MVB12B: variants seen among roughly 807,000 people sequenced by gnomAD.
The protein encoded by MVB12B is multivesicular body subunit 12B, also known as ESCRT-I complex subunit MVB12B.
A neutral mutation model predicts 41.6 loss-of-function variants in MVB12B; 16 were observed. The ratio of observed to expected loss-of-function variants is 0.38; its 90% CI spans 0.26 to 0.58. The LOEUF (loss-of-function observed/expected upper bound fraction) is 0.58. Ranked by LOEUF, MVB12B falls within the 20% of genes least tolerant of loss-of-function variation. The pLI, the probability that MVB12B is intolerant of heterozygous loss-of-function variation, is 0.62. For missense variants in MVB12B, 274 were observed against 380.2 expected (o/e 0.72, Z 2.32); for synonymous variants, 133 against 139.7 (o/e 0.95, Z 0.34).
chr9:126,414,944 G>A (rs191414790), intron 6 of MVB12B, among the ~76,000 whole-genome samples: 1 of 152,104 alleles, frequency 6.6e-6, no homozygotes, highest in South Asian at 2.1e-4. Context: ...TGCCCAGGCT[G>A]GTCTCAAACT....
chr9:126,452,162 T>C (rs951227418), intron 7 of MVB12B, among the ~76,000 whole-genome samples: 6 of 152,224 alleles, frequency 3.9e-5, no homozygotes, highest in African/African-American at 1.2e-4. Flanking sequence ...CTTCAGCTCA[T>C]GCGTGTGCTC....
At chr9:126,346,154 C>A (rs1176068711) in intron 2 of MVB12B, among the ~76,000 whole-genome samples, 1 of 152,110 alleles carries the variant, frequency 6.6e-6, no homozygotes, top group Non-Finnish European at 1.5e-5. Flanking sequence ...TTCCCAAGAT[C>A]ACTTGGTTGG....
intron 6 of MVB12B, chr9:126,408,002 A>C (rs1458910334): frequency 1.3e-5 from 2 of 152,188 alleles, no homozygotes; most frequent in Non-Finnish European, 2.9e-5. Flanking sequence ...GGTTAAGAAA[A>C]AGAATTGCCA....
intron 7 of MVB12B, among the ~76,000 whole-genome samples, chr9:126,475,931 A>G (rs1349177240): frequency 6.6e-6 from 1 of 151,604 alleles, no homozygotes; most frequent in Non-Finnish European, 1.5e-5. Context: ...TCTGTCGTGA[A>G]CTCTCAGACG....
At position 126,376,409 on chromosome 9, in the gene MVB12B, G is replaced by C; in HGVS notation, c.205-4655G>C. 1.1e-6 allele frequency: 1 copy of C among 895,398 alleles called. No individual in the cohort carries two copies. The highest frequency in any genetic ancestry group is 1.6e-6 in the Non-Finnish European group (1 of 630,774). The allele number at this position is 895,398 out of a possible 1,614,324, so 55.5% of individuals were successfully genotyped here. A position where few individuals can be genotyped will look rare whatever the true frequency, so the allele number is the denominator to read the frequency against. On this transcript the variant is annotated intron_variant, in intron 2 of 9. Coordinates refer to ENST00000361171, the MANE Select transcript of MVB12B (RefSeq NM_033446.3). This position sits in a 1 kb window ranked among gnomAD's most constrained non-coding sequence, Gnocchi z 4.1. Reference sequence around the variant, plus strand: ...TCTGTCATGTCTGAGCCTGTCCCCAGTGCCTGGTGACCCTTTGTTGTGGGT... The same window carrying C: ...TCTGTCATGTCTGAGCCTGTCCCCACTGCCTGGTGACCCTTTGTTGTGGGT...
Position 126,392,221 on chromosome 9 carries a change from G to C in MVB12B, c.539+26G>C. On this transcript the variant is annotated intron_variant, in intron 5 of 9. Transcript: ENST00000361171. This position sits in a 1 kb window ranked among gnomAD's most constrained non-coding sequence, Gnocchi z 4.8. ...GTGAGTCTTAATAACAGGACTGTCA[G>C]CTGCTTCTCTTCCCTGAGAGCACTC... is the stretch of plus-strand genomic sequence containing the variant. 3 of 1,612,704 alleles carry C rather than the reference G, an allele frequency of 1.9e-6. No individual in the cohort carries two copies. The highest frequency in any genetic ancestry group is 2.5e-6 in the Non-Finnish European group (3 of 1,178,872).
intron 6 of MVB12B, among the ~76,000 whole-genome samples, chr9:126,404,826 T>G (rs1169596447): frequency 1.3e-5 from 2 of 152,154 alleles, no homozygotes; most frequent in African/African-American, 4.8e-5. Context: ...ATCGTGAGAG[T>G]GGCATGAAAG....
intron 2 of MVB12B, among the ~76,000 whole-genome samples, chr9:126,341,535 C>T (rs1829444419): frequency 6.6e-6 from 1 of 152,198 alleles, no homozygotes; most frequent in South Asian, 2.1e-4. Context: ...CTGAAAACCT[C>T]CCACAGCAAT....
chr9:126,452,811 A>C (rs1387155047), intron 7 of MVB12B, among the ~76,000 whole-genome samples: 1 of 152,058 alleles, frequency 6.6e-6, no homozygotes, highest in African/African-American at 2.4e-5. Flanking sequence ...TTCAAGGGTA[A>C]TTGCTAACTG....
chr9:126,378,279 G>A (rs1272918051), intron 2 of MVB12B, among the ~76,000 whole-genome samples: 2 of 152,224 alleles, frequency 1.3e-5, no homozygotes, highest in Non-Finnish European at 2.9e-5. Flanking sequence ...GACTTCAGCC[G>A]CATAGATAGA....
intron 1 of MVB12B, among the ~76,000 whole-genome samples, chr9:126,338,328 C>CA (rs1451458068): frequency 1.3e-5 from 2 of 152,222 alleles, no homozygotes; most frequent in Non-Finnish European, 2.9e-5. Flanking sequence ...TGGGCCGCCA[C>CA]AGGGCATTGT....
rs767569746 is a variant in MVB12B at position 126,395,529 on chromosome 9, G to T, written c.540-46G>T. 5.6e-6 allele frequency: 9 copies of T among 1,607,000 alleles called. No individual in the cohort carries two copies. Among genetic ancestry groups the T allele is most frequent in the Non-Finnish European group, 7.7e-6 (9 of 1,176,108 alleles). On this transcript the variant is annotated intron_variant, in intron 5 of 9. Transcript: ENST00000361171. The surrounding 1 kb of genome is among the most constrained non-coding windows in gnomAD (Gnocchi z 4.9). ...GGTTTGCTTTGTCACTCAGGTAAAT[G>T]CTTTGTGCTAACCAGAGCCATGAAG...
In MVB12B at chr9:126,378,429, C is replaced by A. The variant is rs141541543; in HGVS notation, c.205-2635C>A. 3.7e-3 allele frequency among the ~76,000 whole-genome samples: 556 copies of A among 152,248 alleles called. 1 individual carries two copies. Among genetic ancestry groups the A allele is most frequent in the Middle Eastern group, 6.9e-3 (2 of 290 alleles). ...TAGGAAAGACAGGCCAGAAATGCCC[C>A]CCTTGTTCCACCAGGGCTGCCTTTC... On this transcript the variant is annotated intron_variant, in intron 2 of 9. Transcript: ENST00000361171.
In MVB12B at chr9:126,468,717, C is replaced by T. The variant is rs927619618; in HGVS notation, c.758-12652C>T. On this transcript the variant is annotated intron_variant, in intron 7 of 9. Transcript: ENST00000361171. The surrounding 1 kb of genome is among the most constrained non-coding windows in gnomAD (Gnocchi z 4.3). ...ACTCCCTGTAATTCATTCTCCTCTC[C>T]ATAGCCAGGGAGACGCTGTTAAAAC... 7.2e-5 allele frequency among the ~76,000 whole-genome samples: 11 copies of T among 152,238 alleles called. No homozygotes were observed. Among genetic ancestry groups the T allele is most frequent in the Non-Finnish European group, 1.2e-4 (8 of 68,048 alleles).
chr9:126,442,026 G>C (rs142000990), intron 7 of MVB12B, among the ~76,000 whole-genome samples: 59 of 152,278 alleles, frequency 3.9e-4, no homozygotes, highest in Middle Eastern at 3.4e-3. Context: ...CTAACTGCTT[G>C]GAGAAATAGC....
chr9:126,445,168 T>G lies in MVB12B; in HGVS notation c.757+23220T>G, dbSNP rs1427047472. On this transcript the variant is annotated intron_variant, in intron 7 of 9. Coordinates refer to ENST00000361171, the MANE Select transcript of MVB12B (RefSeq NM_033446.3). ...TGGTCATTTAGAAAAATATCCAATCTTTCCTTCCAGAGATATAACTCTCTA... is the reference window on the plus strand; with the variant it reads ...TGGTCATTTAGAAAAATATCCAATCGTTCCTTCCAGAGATATAACTCTCTA... Among the ~76,000 whole-genome samples the G allele has an allele frequency of 2.6e-5, 4 of 152,220 alleles. No homozygotes were observed. The South Asian group carries it at 6.2e-4, about 24-fold the overall frequency.
At chr9:126,440,987 C>T (rs988360344) in intron 7 of MVB12B, among the ~76,000 whole-genome samples, 1 of 152,202 alleles carries the variant, frequency 6.6e-6, no homozygotes, top group African/African-American at 2.4e-5. Flanking sequence ...ATTGGTTTAG[C>T]GGATGATGAA....
intron 7 of MVB12B, among the ~76,000 whole-genome samples, chr9:126,428,050 G>A (rs1003818078): frequency 1.3e-5 from 2 of 151,750 alleles, no homozygotes; most frequent in African/African-American, 4.8e-5. Context: ...CCCCCTTTCA[G>A]GATGTTTGAC....
intron 6 of MVB12B, among the ~76,000 whole-genome samples, chr9:126,420,679 G>C (rs558199674): frequency 7.0e-6 from 1 of 143,754 alleles, no homozygotes; most frequent in South Asian, 2.3e-4. Context: ...CGCCTCCCAG[G>C]TTCAAGCAAT....
Sources: gnomAD v4.1 joint callset for allele counts (sites outside exome capture counted in the v4.1 genomes callset) on GRCh38, gnomAD v4.1.1 for gene constraint, Gnocchi (gnomAD v3.1) non-coding constraint, MANE v1.5 for transcripts, NCBI Gene and HGNC (gene_info 2026-07-23, HGNC 2026-07-21) for gene names.